The following ECD variants were observed in gnomAD, a reference collection of about 807,000 sequenced individuals.
ECD encodes the protein ecdysoneless cell cycle regulator, also known as protein ecdysoneless homolog.
In ECD, 59 loss-of-function variants were observed where a neutral mutation model predicts 77.2. That is an observed-to-expected ratio of 0.76 (90% CI 0.62 to 0.95). ECD has a LOEUF of 0.95. Among genes scored for constraint, ECD ranks in the 40% least tolerant of loss-of-function variants. The pLI, the probability that ECD is intolerant of heterozygous loss-of-function variation, is 0.00. For missense variants in ECD, 704 were observed against 763.4 expected, an observed-to-expected ratio of 0.92 and a Z score of 0.92; for synonymous variants, 233 against 267.4, an observed-to-expected ratio of 0.87 and a Z score of 1.26.
At chr10:73,153,725 CAAAAAAAA>C (rs201711578) in intron 6 of ECD, among the ~76,000 whole-genome samples, 57 of 41,318 alleles carry the variant, frequency 1.4e-3, no homozygotes, top group African/African-American at 3.4e-3. Flanking sequence ...GACTCTGTCT[CAAAAAAAA>C]AAAAAAAAAA....
intron 8 of ECD, among the ~76,000 whole-genome samples, chr10:73,146,792 A>G (rs749107748): frequency 6.6e-6 from 1 of 152,114 alleles, no homozygotes. Flanking sequence ...AAATTAAATT[A>G]AAGATATAGC....
chr10:73,153,005 A>T (rs937660314), intron 6 of ECD, among the ~76,000 whole-genome samples: 1 of 152,050 alleles, frequency 6.6e-6, no homozygotes, highest in Admixed American at 6.6e-5. Flanking sequence ...AATGGCTGGA[A>T]GATAAAGATA....
At chr10:73,156,927 C>T (rs1169730553) in intron 3 of ECD, among the ~76,000 whole-genome samples, 11 of 151,388 alleles carry the variant, frequency 7.3e-5, no homozygotes, top group African/African-American at 2.7e-4. Context: ...TGAAAATATA[C>T]GAAAGTACTA....
At chr10:73,156,011 G>C (rs1191802736) in intron 5 of ECD, among the ~76,000 whole-genome samples, 4 of 152,184 alleles carry the variant, frequency 2.6e-5, no homozygotes, top group Non-Finnish European at 4.4e-5. Flanking sequence ...GGACAAGATT[G>C]TAACACTTCT....
At chr10:73,149,923 A>G (rs886689760) in intron 7 of ECD, among the ~76,000 whole-genome samples, 1 of 152,202 alleles carries the variant, frequency 6.6e-6, no homozygotes, top group Non-Finnish European at 1.5e-5. Flanking sequence ...GGAAGAATCA[A>G]TATCGTAAAA....
At chr10:73,137,074 T>C (rs1172741600) in intron 12 of ECD, among the ~76,000 whole-genome samples, 156 bp from the exon 13 acceptor site, 4 of 151,734 alleles carry the variant, frequency 2.6e-5, no homozygotes, top group Non-Finnish European at 5.9e-5. Flanking sequence ...AAAAATCCCT[T>C]CTACAAATGG....
At chr10:73,164,505 T>C (rs907930094) in intron 1 of ECD, among the ~76,000 whole-genome samples, 3 of 152,206 alleles carry the variant, frequency 2.0e-5, no homozygotes, top group African/African-American at 4.8e-5. Flanking sequence ...TTCACTCTTG[T>C]TGCCCAGGCT....
rs750245964 is a variant in ECD, at chr10:73,156,353, A to C, written c.512T>G (p.Leu171Trp). ...PTTPPTIPQALNIITAHSEKI... is the reference protein window; with the variant it reads ...PTTPPTIPQAWNIITAHSEKI... The stretch of plus-strand genomic sequence containing the variant: ...TTCTGAATGTGCTGTGATTATATTC[A>C]ATGCTTGTGGAATTGTTGGGGGTGT... Residue 171 changes from leucine (L) to tryptophan (W), a missense_variant, in exon 5 of 14, where the codon TTG becomes TGG. By Grantham distance (61) the Leu-to-Trp change is moderately conservative (BLOSUM62 -2). This residue lies in a region of ECD where 559 missense variants were observed against 583.7 expected (regional missense o/e 0.96). Transcript: ENST00000372979. The C allele has an allele frequency of 3.1e-6, 5 of 1,613,962 alleles. No homozygotes were observed. The highest frequency in any genetic ancestry group is 4.2e-6 in the Non-Finnish European group (5 of 1,179,978).
Position 73,147,877 on chromosome 10 carries a change from C to CAT in ECD, c.1041+397_1041+398dup, listed in dbSNP as rs149598380. Among the ~76,000 whole-genome samples the CAT allele has an allele frequency of 6.0e-3, 892 of 147,866 alleles. 5 individuals are homozygous for CAT. The highest frequency in any genetic ancestry group is 0.014 in the Admixed American group (213 of 14,778). ...GAAAGACATTCTTCATTACTGTGTTCATATATATATATATATATCTTTACT... is the reference window on the plus strand; with the variant it reads ...GAAAGACATTCTTCATTACTGTGTTCATATATATATATATATATATCTTTACT... On this transcript the variant is annotated intron_variant, in intron 8 of 13. Coordinates refer to ENST00000372979, the MANE Select transcript of ECD (RefSeq NM_007265.3).
At position 73,163,752 on chromosome 10, in the gene ECD, A is replaced by C. The variant is rs1162367622; in HGVS notation, c.186T>G (p.Leu62=). 1.2e-6 allele frequency: 2 copies of C among 1,614,006 alleles called. No homozygotes were observed. The highest frequency in any genetic ancestry group is 2.7e-5 in the African/African-American group (2 of 74,918). ...PYIWQNQPFN[L]KYKPGKGGVP... is the part of the protein sequence containing the mutation. Reference sequence around the variant, plus strand: ...CCTTACCTTTCCCAGGTTTATATTTAAGATTGAAAGGCTGATTCTGCCAGA... The same window carrying C: ...CCTTACCTTTCCCAGGTTTATATTTCAGATTGAAAGGCTGATTCTGCCAGA... Residue 62 remains leucine, a synonymous_variant, in exon 2 of 14, where the codon CTT becomes CTG. Transcript: ENST00000372979.
At chr10:73,155,228 G>C (rs931025411) in intron 5 of ECD, among the ~76,000 whole-genome samples, 1 of 150,890 alleles carries the variant, frequency 6.6e-6, no homozygotes, top group Non-Finnish European at 1.5e-5. Flanking sequence ...CACCACGCCC[G>C]GCTAATTTTT....
intron 7 of ECD, among the ~76,000 whole-genome samples, chr10:73,149,511 T>C (rs886720959): frequency 6.6e-6 from 1 of 152,230 alleles, no homozygotes; most frequent in Admixed American, 6.5e-5. Flanking sequence ...ACCAATACTG[T>C]ACTCTATAGT....
At chr10:73,139,776 G>T in intron 9 of ECD, 39 bp from the exon 10 acceptor site, 1 of 1,359,152 alleles carries the variant, frequency 7.4e-7, no homozygotes, top group South Asian at 1.2e-5. Context: ...CTTCATAAGA[G>T]AACATAGAAT....
At chr10:73,146,221 A>G in intron 9 of ECD, 55 bp downstream of exon 9, 1 of 840,336 alleles carries the variant, frequency 1.2e-6, no homozygotes, top group Non-Finnish European at 1.7e-6. Flanking sequence ...AATAAAAAAT[A>G]AAAAGAACTA....
At position 73,134,706 on chromosome 10, in the gene ECD, T is replaced by C. The variant is rs756774479; in HGVS notation, c.1812A>G (p.Ile604Met). The C allele has an allele frequency of 7.4e-6, 12 of 1,614,160 alleles. No homozygotes were observed. The highest frequency in any genetic ancestry group is 1.7e-5 in the Admixed American group (1 of 60,012). ...CAGCTTGGGAGCTATAGGATTCCAA[T>C]ATATTTGAAACCAGGTTCAGGTCTA... ...VDVDLNLVSN[I>M]LESYSSQAGL... Residue 604 changes from isoleucine (I) to methionine (M), a missense_variant, in exon 14 of 14, where the codon ATA becomes ATG. Physicochemically the swap from Ile to Met is conservative, Grantham distance 10. Transcript: ENST00000372979.
chr10:73,153,520 T>C (rs1400598768), intron 6 of ECD, among the ~76,000 whole-genome samples: 2 of 151,408 alleles, frequency 1.3e-5, no homozygotes, highest in African/African-American at 4.8e-5. Flanking sequence ...GTGAATCACT[T>C]GAGGTCAGGA....
Position 73,138,057 on chromosome 10 carries a change from C to A in ECD, c.1435G>T (p.Ala479Ser), listed in dbSNP as rs772702159. ...GAELPREPSE[A>S]PITFDADSFL... is the part of the protein sequence containing the mutation. ...GAATCTGCATCAAAAGTGATTGGAG[C>A]CTCAGAAGGTTCTCTGCAATATTAA... is the stretch of plus-strand genomic sequence containing the variant. Residue 479 changes from alanine (A) to serine (S), a missense_variant, in exon 12 of 14, where the codon GCT becomes TCT. By Grantham distance (99) the Ala-to-Ser change is moderately conservative. Coordinates refer to ENST00000372979, the MANE Select transcript of ECD (RefSeq NM_007265.3). 1.3e-5 allele frequency: 20 copies of A among 1,596,136 alleles called. No individual in the cohort carries two copies. Among genetic ancestry groups the A allele is most frequent in the Non-Finnish European group, 1.7e-5 (20 of 1,173,726 alleles).
chr10:73,139,533 T>A (rs1223620385), intron 10 of ECD, 38 bp from the exon 11 acceptor site: 3 of 1,606,150 alleles, frequency 1.9e-6, no homozygotes, highest in Non-Finnish European at 2.5e-6. Context: ...CATTCTACAT[T>A]CACATAAGTC....
chr10:73,165,140 G>A (rs1843436651), intron 1 of ECD, among the ~76,000 whole-genome samples: 1 of 151,746 alleles, frequency 6.6e-6, no homozygotes, highest in Non-Finnish European at 1.5e-5. Context: ...ATCTCTCCCT[G>A]CTTTAAAATT....
Sources: allele counts gnomAD v4.1 joint callset (sites outside exome capture counted in the v4.1 genomes callset), GRCh38; gene constraint gnomAD v4.1.1; regional missense constraint gnomAD v4.1.1; transcripts MANE v1.5; gene names NCBI Gene and HGNC (gene_info 2026-07-23, HGNC 2026-07-21).